CDR2: variants seen among roughly 807,000 people sequenced by gnomAD.
The protein encoded by CDR2 is cerebellar degeneration related protein 2.
In CDR2, 34 loss-of-function variants were observed where a neutral mutation model predicts 48.4. The ratio of observed to expected loss-of-function variants is 0.70; its 90% CI spans 0.53 to 0.94. The LOEUF (loss-of-function observed/expected upper bound fraction) is 0.94, where lower values mean the gene tolerates loss of function less well. Among genes scored for constraint, CDR2 ranks in the 40% least tolerant of loss-of-function variants. The pLI is 0.00. For missense variants in CDR2, 498 were observed against 549.5 expected, an observed-to-expected ratio of 0.91 and a Z score of 0.94; for synonymous variants, 240 against 219.7, an observed-to-expected ratio of 1.09 and a Z score of -0.82.
intron 1 of CDR2, among the ~76,000 whole-genome samples, chr16:22,372,753 A>C (rs1361069639): frequency 1.3e-5 from 2 of 152,226 alleles, no homozygotes; most frequent in South Asian, 2.1e-4. Flanking sequence ...CTGTAAGTGT[A>C]ATAAAGGTGA....
intron 2 of CDR2, among the ~76,000 whole-genome samples, chr16:22,355,835 G>A (rs1276468961): frequency 6.6e-6 from 1 of 152,144 alleles, no homozygotes; most frequent in Non-Finnish European, 1.5e-5. Context: ...CCTCTGCTCA[G>A]CTCATTGAAA....
At chr16:22,354,222 T>TA (rs1347333087) in intron 2 of CDR2, among the ~76,000 whole-genome samples, 2 of 152,176 alleles carry the variant, frequency 1.3e-5, no homozygotes, top group Non-Finnish European at 2.9e-5. Flanking sequence ...AGATCACACT[T>TA]AGAGAAATGT....
chr16:22,373,602 A>G (rs1401269469), intron 1 of CDR2, among the ~76,000 whole-genome samples: 5 of 152,254 alleles, frequency 3.3e-5, no homozygotes, highest in Admixed American at 2.0e-4. Flanking sequence ...TTGTACCTCA[A>G]TGGATAAATG....
chr16:22,360,763 T>C (rs1170745907), intron 2 of CDR2, among the ~76,000 whole-genome samples: 1 of 129,264 alleles, frequency 7.7e-6, no homozygotes, highest in Non-Finnish European at 1.6e-5. Flanking sequence ...TTTTTTTTTT[T>C]TTTTGAGACG....
chr16:22,371,566 T>G (rs2049076552), intron 1 of CDR2, among the ~76,000 whole-genome samples: 1 of 152,220 alleles, frequency 6.6e-6, no homozygotes, highest in African/African-American at 2.4e-5. Flanking sequence ...AAAGAGCAGA[T>G]AATACATTTT....
Position 22,346,926 on chromosome 16 carries a change from T to C in CDR2, c.*39A>G, listed in dbSNP as rs201938387. ...TTGTCTGAATGGGAGAGAGAGGCGA[T>C]AGGCAATAGGCAAATTAGTAGTAGA... On this transcript the variant is annotated 3_prime_UTR_variant, in exon 5 of 5. Transcript: ENST00000268383. The C allele has an allele frequency of 2.0e-5, 31 of 1,578,600 alleles. No homozygotes were observed. Among genetic ancestry groups the C allele is most frequent in the East Asian group, 6.8e-5 (3 of 44,364 alleles).
chr16:22,357,406 A>C (rs548265254), intron 2 of CDR2, among the ~76,000 whole-genome samples: 21 of 152,296 alleles, frequency 1.4e-4, no homozygotes, highest in Non-Finnish European at 2.1e-4. Flanking sequence ...TTCCTGACAC[A>C]CAGTAGGGGA....
Position 22,374,607 on chromosome 16 carries a change from G to A in CDR2, c.-298C>T, listed in dbSNP as rs2049107092. ...TTCACGCCGCCGCCGGGCCCAACGT[G>A]GCACTTTGGCAGAACCCTCCCCGGC... On this transcript the variant is annotated 5_prime_UTR_variant, in exon 1 of 5. Coordinates refer to ENST00000268383, the MANE Select transcript of CDR2 (RefSeq NM_001802.2). 1 of 167,210 alleles carries A rather than the reference G, an allele frequency of 6.0e-6. No individual in the cohort carries two copies. The highest frequency in any genetic ancestry group is 6.3e-5 in the Admixed American group (1 of 15,752). The allele number at this position is 167,210 out of a possible 1,614,324, so 10.4% of individuals were successfully genotyped here. A position where few individuals can be genotyped will look rare whatever the true frequency, so the allele number is the denominator to read the frequency against.
At position 22,349,777 on chromosome 16, in the gene CDR2, C is replaced by T. The variant is rs745563185; in HGVS notation, c.265G>A (p.Val89Ile). The T allele has an allele frequency of 3.8e-5, 61 of 1,613,898 alleles. No individual in the cohort carries two copies. Among genetic ancestry groups the T allele is most frequent in the Middle Eastern group, 3.3e-4 (2 of 6,084 alleles). ...QHAKVYEQLD[V>I]TARELEETNQ... ...GTTTCTTCCAGTTCCCTTGCTGTGA[C>T]GTCTAATTGTTCATAAACCTTTGCA... The change falls in exon 3 of 5, where the codon GTC (valine) becomes ATC (isoleucine). Residue 89 changes from valine (V) to isoleucine (I), a missense_variant. Physicochemically the swap from Val to Ile is conservative, Grantham distance 29. Coordinates refer to ENST00000268383, the MANE Select transcript of CDR2 (RefSeq NM_001802.2).
intron 2 of CDR2, among the ~76,000 whole-genome samples, chr16:22,350,683 C>T (rs2048936335): frequency 1.3e-5 from 2 of 152,152 alleles, no homozygotes; most frequent in African/African-American, 4.8e-5. Flanking sequence ...ATATGCTTAG[C>T]TCCTCTAATG....
At chr16:22,351,403 G>C (rs993939683) in intron 2 of CDR2, among the ~76,000 whole-genome samples, 5 of 152,076 alleles carry the variant, frequency 3.3e-5, no homozygotes, top group African/African-American at 1.2e-4. Context: ...TGGGTCAAAT[G>C]GTAATTCTAG....
At chr16:22,361,366 A>G (rs1394300835) in intron 2 of CDR2, among the ~76,000 whole-genome samples, 1 of 152,248 alleles carries the variant, frequency 6.6e-6, no homozygotes, top group Non-Finnish European at 1.5e-5. Context: ...GGGCCCTTAT[A>G]AAGTTTAGGG....
At position 22,346,001 on chromosome 16, in the gene CDR2, C is replaced by A. The variant is rs554771291; in HGVS notation, c.*964G>T. 1.3e-5 allele frequency: 2 copies of A among 152,700 alleles called. No individual in the cohort carries two copies. Among genetic ancestry groups the A allele is most frequent in the South Asian group, 4.1e-4 (2 of 4,826 alleles). 9.5% of individuals were successfully genotyped at this position (152,700 alleles called of 1,614,324 possible). ...ATATACAATAATCGGAACATCAGTT[C>A]TTAAATAGTTTTAAGTTAAAAGAAT... On this transcript the variant is annotated 3_prime_UTR_variant, in exon 5 of 5. Coordinates refer to ENST00000268383, the MANE Select transcript of CDR2 (RefSeq NM_001802.2).
chr16:22,367,410 A>C (rs1490678394), intron 1 of CDR2, among the ~76,000 whole-genome samples: 1 of 152,232 alleles, frequency 6.6e-6, no homozygotes, highest in African/African-American at 2.4e-5. Context: ...AGAACTTGCC[A>C]TGAATTTGGC....
intron 2 of CDR2, among the ~76,000 whole-genome samples, chr16:22,362,753 T>C (rs1364526929): frequency 1.3e-5 from 2 of 152,196 alleles, no homozygotes; most frequent in East Asian, 1.9e-4. Flanking sequence ...GCTAGTTTAA[T>C]AGTTTTGTTT....
intron 2 of CDR2, among the ~76,000 whole-genome samples, chr16:22,359,909 G>A (rs1400933977): frequency 6.6e-6 from 1 of 152,112 alleles, no homozygotes; most frequent in Non-Finnish European, 1.5e-5. Context: ...TGTTGCAATG[G>A]GAAATAAGGG....
Position 22,347,428 on chromosome 16 carries a change from G to A in CDR2, c.902C>T (p.Ser301Leu). The A allele has an allele frequency of 6.2e-7, 1 of 1,614,040 alleles. No homozygotes were observed. The highest frequency in any genetic ancestry group is 8.5e-7 in the Non-Finnish European group (1 of 1,179,952). The change falls in exon 5 of 5, where the codon TCA becomes TTA. Residue 301 changes from serine to leucine, a missense_variant. By Grantham distance (145) the Ser-to-Leu change is moderately radical. Transcript: ENST00000268383. Reference protein sequence around the residue: ...LEEMFLTVPESHRKPLKRSSS... With the variant: ...LEEMFLTVPELHRKPLKRSSS... ...GCTGCGCTTGAGAGGCTTTCTATGTGATTCCGGCACAGTCAGGAACATCTC... is the reference window on the plus strand; with the variant it reads ...GCTGCGCTTGAGAGGCTTTCTATGTAATTCCGGCACAGTCAGGAACATCTC...
chr16:22,365,105 A>AG, intron 1 of CDR2, 91 bp from the exon 2 acceptor site: 1 of 833,072 alleles, frequency 1.2e-6, no homozygotes, highest in South Asian at 1.5e-5. Context: ...CATGTAGTTT[A>AG]AGTCACATCC....
intron 2 of CDR2, among the ~76,000 whole-genome samples, chr16:22,363,850 A>G (rs546267218): frequency 6.6e-6 from 1 of 152,228 alleles, no homozygotes; most frequent in Non-Finnish European, 1.5e-5. Context: ...GGGACTATTT[A>G]TAAGATTAGC....
Sources: allele counts gnomAD v4.1 joint callset (sites outside exome capture counted in the v4.1 genomes callset), GRCh38; gene constraint gnomAD v4.1.1; transcripts MANE v1.5; gene names NCBI Gene and HGNC (gene_info 2026-07-23, HGNC 2026-07-21).